PDZD9: variants seen among roughly 807,000 people sequenced by gnomAD.
PDZD9 encodes the protein PDZ domain-containing protein 9.
PDZD9 carries 13 observed loss-of-function variants against 16.3 expected under a neutral mutation model. The observed-to-expected ratio is 0.80, with a 90% confidence interval of 0.52 to 1.27. PDZD9 has a LOEUF of 1.27. Ranked by LOEUF, PDZD9 falls within the 50% of genes most tolerant of loss-of-function variation. The pLI, the probability that PDZD9 is intolerant of heterozygous loss-of-function variation, is 0.00. For missense variants in PDZD9, 288 were observed against 310.9 expected, an observed-to-expected ratio of 0.93 and a Z score of 0.55; for synonymous variants, 120 against 111.0, an observed-to-expected ratio of 1.08 and a Z score of -0.51.
At chr16:21,990,112 G>A (rs1248244438) in intron 2 of PDZD9, among the ~76,000 whole-genome samples, 1 of 152,178 alleles carries the variant, frequency 6.6e-6, no homozygotes, top group Non-Finnish European at 1.5e-5. Flanking sequence ...CAAATTCAGT[G>A]CATTAACAGA....
At chr16:21,976,272 G>A in the PDZD9 span, 6 of 1,560,446 alleles carry the variant, frequency 3.8e-6, no homozygotes, top group Non-Finnish European at 5.3e-6. Context: ...TGTGTTTTAT[G>A]TTTTTGTTAT....
chr16:21,985,442 T>TTTGTTG (rs760948159), intron 3 of PDZD9, among the ~76,000 whole-genome samples: 3 of 152,014 alleles, frequency 2.0e-5, no homozygotes, highest in Admixed American at 6.6e-5. Context: ...CAGCCAGGTT[T>TTTGTTG]TTGTTGTTGT....
At chr16:21,971,272 A>G in the PDZD9 span, among the ~76,000 whole-genome samples, 4 of 152,334 alleles carry the variant, frequency 2.6e-5, no homozygotes, top group Middle Eastern at 3.4e-3. Flanking sequence ...ACCATTTTAG[A>G]AATAAATTGA....
At chr16:21,967,978 A>G in the PDZD9 span, among the ~76,000 whole-genome samples, 4 of 149,222 alleles carry the variant, frequency 2.7e-5, no homozygotes, top group African/African-American at 9.8e-5. Flanking sequence ...AGGCCAGTGT[A>G]TGCTCTAATT....
rs376162472 is a variant in PDZD9, at chr16:21,984,367, C to G, written c.695G>C (p.Ser232Thr). ...YWIMVKQDNESSSSSTSSTSD... is the reference protein window; with the variant it reads ...YWIMVKQDNETSSSSTSSTSD... ...GGTAGAGGAGGTAGAGGAGGAAGAG[C>G]TTTCATTGTCTTGCTTCACCATTAT... The change falls in exon 4 of 4, where the codon AGC becomes ACC. Residue 232 changes from serine (S) to threonine (T), a missense_variant. Coordinates refer to ENST00000424898, the MANE Select transcript of PDZD9 (RefSeq NM_001363519.1). 3.7e-6 allele frequency: 6 copies of G among 1,613,884 alleles called. No individual in the cohort carries two copies. The highest frequency in any genetic ancestry group is 5.1e-6 in the Non-Finnish European group (6 of 1,179,974).
the PDZD9 span, among the ~76,000 whole-genome samples, chr16:21,977,381 C>G: frequency 2.6e-5 from 4 of 151,942 alleles, no homozygotes; most frequent in Admixed American, 2.6e-4. Context: ...ATTTCTAAGT[C>G]ACAAATCTAA....
At chr16:21,968,766 T>C in the PDZD9 span, 2 of 1,311,398 alleles carry the variant, frequency 1.5e-6, no homozygotes, top group Admixed American at 5.1e-5. Context: ...AACATAGGAT[T>C]GAACAAAATT....
chr16:21,972,221 C>T, the PDZD9 span: 2 of 1,425,660 alleles, frequency 1.4e-6, no homozygotes, highest in Non-Finnish European at 1.9e-6. Context: ...GACAAACACA[C>T]AGAAAATCTT....
At chr16:21,980,443 A>C (rs185152753), downstream of PDZD9, 1 of 1,209,358 alleles carries the variant, frequency 8.3e-7, no homozygotes, top group African/African-American at 1.5e-5. Flanking sequence ...CTGTTACTCT[A>C]TCCATTAAAT....
the PDZD9 span, among the ~76,000 whole-genome samples, chr16:21,967,918 ACTACGTAAG>A: frequency 6.6e-6 from 1 of 152,062 alleles, no homozygotes; most frequent in East Asian, 1.9e-4. Context: ...AACCTGACAT[ACTACGTAAG>A]CTACATTATA....
downstream of PDZD9, among the ~76,000 whole-genome samples, chr16:21,981,572 A>G (rs1474706839): frequency 6.6e-6 from 1 of 151,992 alleles, no homozygotes; most frequent in Admixed American, 6.5e-5. Context: ...TGGGCAATGT[A>G]GCAAAACCCC....
intron 3 of PDZD9, among the ~76,000 whole-genome samples, 154 bp downstream of exon 3, chr16:21,988,448 C>T (rs1303479731): frequency 7.2e-5 from 11 of 152,104 alleles, no homozygotes; most frequent in Admixed American, 7.2e-4. Flanking sequence ...TCCTACAGAT[C>T]TAATACCAGA....
the PDZD9 span, among the ~76,000 whole-genome samples, chr16:21,973,111 T>G: frequency 6.6e-6 from 1 of 151,928 alleles, no homozygotes; most frequent in Non-Finnish European, 1.5e-5. Context: ...AAAATATATA[T>G]AAATAAATAA....
chr16:21,971,954 T>G, the PDZD9 span: 1 of 1,614,172 alleles, frequency 6.2e-7, no homozygotes, highest in Admixed American at 1.7e-5. Flanking sequence ...GAGACAGTCT[T>G]GTCCATGCTG....
At chr16:21,983,019 T>C, downstream of PDZD9, 1 of 1,261,102 alleles carries the variant, frequency 7.9e-7, no homozygotes, top group Non-Finnish European at 1.1e-6. Context: ...AATGACAAAA[T>C]AAGTTCGCCT....
chr16:21,988,111 G>A lies in PDZD9; in HGVS notation c.401+491C>T, dbSNP rs1169609988. Among the ~76,000 whole-genome samples, 5 of 149,446 alleles carry A rather than the reference G, an allele frequency of 3.3e-5. No homozygotes were observed. The East Asian group carries it at 5.9e-4, about 18-fold the overall frequency. On this transcript the variant is annotated intron_variant, in intron 3 of 3. Transcript: ENST00000424898. ...CAACCTCCGACTCCCTGATTCGAGC[G>A]ATTCTCCTGCCTCAGCCTCCCGAAT...
In PDZD9 at chr16:21,984,596, C is replaced by A; in HGVS notation, c.466G>T (p.Val156Leu). 6.5e-7 allele frequency: 1 copy of A among 1,549,426 alleles called. No individual in the cohort carries two copies. The change falls in exon 4 of 4, where the codon GTA becomes TTA. Residue 156 changes from valine to leucine, a missense_variant. Transcript: ENST00000424898. ...SFTSSDDNEN[V>L]DLDKRLQYYR... ...TATTGAAGTCTTTTATCTAAATCTA[C>A]ATTTTCATTATCATCACTGCTTGTG...
chr16:21,980,988 C>T (rs1316315465), downstream of PDZD9, among the ~76,000 whole-genome samples: 3 of 152,150 alleles, frequency 2.0e-5, no homozygotes, highest in African/African-American at 7.2e-5. Flanking sequence ...GCATTTAATA[C>T]ACCTAACGTA....
At chr16:21,995,302 G>C (rs906313409) in intron 2 of PDZD9, 5 of 453,702 alleles carry the variant, frequency 1.1e-5, no homozygotes, top group Non-Finnish European at 2.2e-5. Context: ...CATGCTTCCT[G>C]TACAGCCTGC....
Sources: allele counts gnomAD v4.1 joint callset (sites outside exome capture counted in the v4.1 genomes callset), GRCh38; gene constraint gnomAD v4.1.1; transcripts MANE v1.5; gene names NCBI Gene and HGNC (gene_info 2026-07-23, HGNC 2026-07-21).